The following LIPA variants were observed in gnomAD, a reference collection of about 807,000 sequenced individuals.
LIPA encodes the protein lipase A, lysosomal acid type, also known as lysosomal acid lipase/cholesteryl ester hydrolase.
Under a neutral mutation model 40.6 loss-of-function variants are expected in LIPA, and 26 were observed. The observed-to-expected ratio is 0.64, with a 90% CI of 0.47 to 0.89. The LOEUF (loss-of-function observed/expected upper bound fraction) is 0.89. LIPA is among the 40% of genes least tolerant of loss of function. LIPA has a pLI of 0.00. For missense variants in LIPA, 455 were observed against 479.6 expected (o/e 0.95, Z 0.48); for synonymous variants, 188 against 168.4 (o/e 1.12, Z -0.90).
intron 2 of LIPA, among the ~76,000 whole-genome samples, chr10:89,376,052 G>C (rs1319778850): frequency 6.6e-6 from 1 of 152,018 alleles, no homozygotes; most frequent in African/African-American, 2.4e-5. Context: ...GCTGGGTATG[G>C]TGGTGCACAC....
rs1842621064 is a variant in LIPA, at chr10:89,215,965, A to G, written c.939T>C (p.Ser313=). 1 of 1,611,914 alleles carries G rather than the reference A, an allele frequency of 6.2e-7. No individual in the cohort carries two copies. Among genetic ancestry groups the G allele is most frequent in the South Asian group, 1.1e-5 (1 of 91,048 alleles). Residue 313 remains serine (S), a synonymous_variant, in exon 9 of 10, where the codon AGT becomes AGC. Coordinates refer to ENST00000336233, the MANE Select transcript of LIPA (RefSeq NM_000235.4). Reference sequence around the variant, plus strand: ...GGTTGTAATGAAAATAATTCTTGGCACTGCTTCCCCAGTCAAAGGCTTGAA... The same window carrying G: ...GGTTGTAATGAAAATAATTCTTGGCGCTGCTTCCCCAGTCAAAGGCTTGAA... ...QKFQAFDWGS[S]AKNYFHYNQS... is the part of the protein sequence containing the mutation.
chr10:89,343,310 G>T (rs1843888092), upstream of LIPA, among the ~76,000 whole-genome samples: 1 of 152,156 alleles, frequency 6.6e-6, no homozygotes, highest in Admixed American at 6.5e-5. Flanking sequence ...TAATAGACTG[G>T]GTTCAAATTC....
intron 8 of LIPA, 58 bp from the exon 9 acceptor site, chr10:89,216,067 A>G: frequency 8.6e-7 from 1 of 1,167,810 alleles, no homozygotes; most frequent in South Asian, 1.2e-5. Context: ...AGATAACATC[A>G]TAGGTTGCTG....
At chr10:89,338,568 G>A in intron 1 of LIPA, 2 of 1,227,832 alleles carry the variant, frequency 1.6e-6, no homozygotes, top group Non-Finnish European at 2.3e-6. Context: ...TGGGCATCCT[G>A]TGGCCCAGTT....
At chr10:89,318,848 A>G (rs1843555763) in intron 1 of LIPA, among the ~76,000 whole-genome samples, 1 of 152,218 alleles carries the variant, frequency 6.6e-6, no homozygotes, top group African/African-American at 2.4e-5. Flanking sequence ...AAGAACAGAA[A>G]TTATAACAAA....
chr10:89,297,030 T>C (rs1468938651), intron 1 of LIPA, among the ~76,000 whole-genome samples: 1 of 152,054 alleles, frequency 6.6e-6, no homozygotes, highest in Non-Finnish European at 1.5e-5. Flanking sequence ...AAATTATGAA[T>C]AGATAATTAT....
intron 1 of LIPA, chr10:89,339,768 T>C (rs746174061): frequency 5.0e-6 from 8 of 1,613,998 alleles, no homozygotes; most frequent in African/African-American, 2.7e-5. Flanking sequence ...AGAAATATAA[T>C]GGGAAGTCTG....
chr10:89,333,427 C>G (rs1332374794), intron 1 of LIPA, among the ~76,000 whole-genome samples: 1 of 152,172 alleles, frequency 6.6e-6, no homozygotes, highest in Non-Finnish European at 1.5e-5. Context: ...TGTCCATCTC[C>G]AAATCCTCTC....
intron 2 of LIPA, among the ~76,000 whole-genome samples, chr10:89,394,574 G>GAAAAAAAAAA (rs1405646847): frequency 1.0e-5 from 1 of 95,344 alleles, no homozygotes; most frequent in African/African-American, 4.8e-5. Flanking sequence ...TGTACTACAG[G>GAAAAAAAAAA]AAAATATATA....
chr10:89,408,170 G>T (rs1393209983), intron 2 of LIPA, among the ~76,000 whole-genome samples: 1 of 152,176 alleles, frequency 6.6e-6, no homozygotes, highest in Admixed American at 6.5e-5. Flanking sequence ...GGACCAATTT[G>T]ACCTGCAAAC....
chr10:89,384,341 A>G (rs761969301), intron 2 of LIPA: 32 of 1,614,104 alleles, frequency 2.0e-5, no homozygotes, highest in African/African-American at 9.3e-5. Flanking sequence ...GAGATGGCCT[A>G]TGTTGACCTG....
chr10:89,378,019 T>G, intron 2 of LIPA: 2 of 1,070,548 alleles, frequency 1.9e-6, no homozygotes, highest in East Asian at 4.9e-5. Context: ...TGGATATACC[T>G]CCCATATATA....
At position 89,403,971 on chromosome 10, in the gene LIPA, C is replaced by T. The variant is rs1159862887; in HGVS notation, c.61+8820G>A. The T allele has an allele frequency of 2.3e-5, 8 of 341,606 alleles. No homozygotes were observed. In the East Asian group the frequency reaches 3.8e-4, roughly 16 times the overall value. 21.2% of individuals were successfully genotyped at this position (341,606 alleles called of 1,614,324 possible). On this transcript the variant is annotated intron_variant, in intron 2 of 8. Coordinates refer to the LIPA transcript ENST00000371837. ...TTAGTTAACTTTGTAGGAAATAAAA[C>T]ATTGGACTTACACTAAATGTTTAAT...
chr10:89,256,405 C>G (rs972182740), upstream of LIPA, among the ~76,000 whole-genome samples: 1 of 152,108 alleles, frequency 6.6e-6, no homozygotes, highest in Non-Finnish European at 1.5e-5. Context: ...AAAGAACACA[C>G]GTAGAGATTC....
chr10:89,260,681 G>T (rs1843203120), intron 1 of LIPA, among the ~76,000 whole-genome samples: 1 of 152,100 alleles, frequency 6.6e-6, no homozygotes, highest in African/African-American at 2.4e-5. Flanking sequence ...ACACATTACA[G>T]TGCTTAACAG....
chr10:89,282,555 G>A (rs555354366), intron 1 of LIPA, among the ~76,000 whole-genome samples: 19 of 152,172 alleles, frequency 1.2e-4, no homozygotes, highest in South Asian at 2.1e-4. Flanking sequence ...CAGGAGAATC[G>A]CTTGAACCCA....
intron 1 of LIPA, among the ~76,000 whole-genome samples, chr10:89,264,448 G>A (rs1843225076): frequency 6.6e-6 from 1 of 152,030 alleles, no homozygotes; most frequent in Non-Finnish European, 1.5e-5. Flanking sequence ...GTCCCAATGA[G>A]TGTGCAGCTC....
intron 2 of LIPA, among the ~76,000 whole-genome samples, chr10:89,394,558 TC>T (rs1844305435): frequency 6.8e-6 from 1 of 146,932 alleles, no homozygotes; most frequent in South Asian, 2.1e-4. Flanking sequence ...TATGTTTATG[TC>T]AATATGTACT....
chr10:89,234,106 T>C (rs1370974428), intron 3 of LIPA, among the ~76,000 whole-genome samples: 1 of 152,212 alleles, frequency 6.6e-6, no homozygotes, highest in Non-Finnish European at 1.5e-5. Flanking sequence ...ACATTTGACC[T>C]GGATTCTAAG....
Sources: gnomAD v4.1 joint callset for allele counts (sites outside exome capture counted in the v4.1 genomes callset) on GRCh38, gnomAD v4.1.1 for gene constraint, MANE v1.5 for transcripts, NCBI Gene and HGNC (gene_info 2026-07-23, HGNC 2026-07-21) for gene names.